TACC2: variants seen among roughly 807,000 people sequenced by gnomAD.
The protein encoded by TACC2 is transforming acidic coiled-coil containing protein 2, also known as transforming acidic coiled-coil-containing protein 2.
Under a neutral mutation model 227.3 loss-of-function variants are expected in TACC2, and 137 were observed. That is an observed-to-expected ratio of 0.60 (90% CI 0.52 to 0.69). The LOEUF is 0.69. Among genes scored for constraint, TACC2 ranks in the 30% least tolerant of loss-of-function variants. TACC2 has a pLI of 0.00. For synonymous variants in TACC2, 1,523 were observed against 1,487.5 expected (o/e 1.02, Z -0.55); for missense variants, 3,470 against 3,694.4 (o/e 0.94, Z 1.57).
chr10:122,227,976 G>A lies in TACC2; in HGVS notation c.7864G>A (p.Gly2622Ser). The A allele has an allele frequency of 6.2e-7, 1 of 1,613,962 alleles. No individual in the cohort carries two copies. Among genetic ancestry groups the A allele is most frequent in the Non-Finnish European group, 8.5e-7 (1 of 1,180,028 alleles). Reference sequence around the variant, plus strand: ...CTCCCAGAAGGAGCTGGAGGCCATGGGCTTGGGCACCCCTTCAGAAGCGAT... The same window carrying A: ...CTCCCAGAAGGAGCTGGAGGCCATGAGCTTGGGCACCCCTTCAGAAGCGAT... The part of the protein sequence containing the change: ...KSSQKELEAM[G>S]LGTPSEAIEI... Residue 2622 changes from glycine to serine, a missense_variant, in exon 14 of 23, where the codon GGC becomes AGC. Coordinates refer to ENST00000369005, the MANE Select transcript of TACC2 (RefSeq NM_206862.4).
intron 5 of TACC2, among the ~76,000 whole-genome samples, chr10:122,126,316 CTGTG>C (rs3037067): frequency 0.098 from 13,931 of 142,098 alleles, 1,052 homozygotes; most frequent in African/African-American, 0.21. Context: ...TAATCCAGAA[CTGTG>C]TGTGTGTGTG....
At chr10:122,107,560 C>A (rs1406795124) in intron 5 of TACC2, among the ~76,000 whole-genome samples, 8 of 151,708 alleles carry the variant, frequency 5.3e-5, no homozygotes, top group African/African-American at 1.9e-4. Flanking sequence ...TTGCACTCCA[C>A]CCTGGGTGAG....
chr10:122,084,352 C>A lies in TACC2; in HGVS notation c.1852C>A (p.Pro618Thr), dbSNP rs749239930. 2.5e-6 allele frequency: 4 copies of A among 1,613,700 alleles called. No homozygotes were observed. The South Asian group carries it at 4.4e-5, about 18-fold the overall frequency. The change falls in exon 4 of 23, where the codon CCA becomes ACA. Residue 618 changes from proline (P) to threonine (T), a missense_variant. Physicochemically the swap from Pro to Thr is conservative, Grantham distance 38. Transcript: ENST00000369005. ...AGTAGGCAAAGATGAGCTTTCAAAG[C>A]CAAGCAGTGATGCAGAGAGCAGAGA... ...PEVGKDELSKPSSDAESRDHP... is the reference protein window; with the variant it reads ...PEVGKDELSKTSSDAESRDHP...
At position 122,224,779 on chromosome 10, in the gene TACC2, T is replaced by C; in HGVS notation, c.7600T>C (p.Ser2534Pro). The C allele has an allele frequency of 6.2e-7, 1 of 1,614,080 alleles. No homozygotes were observed. Among genetic ancestry groups the C allele is most frequent in the East Asian group, 2.2e-5 (1 of 44,876 alleles). Residue 2534 changes from serine to proline, a missense_variant, in exon 12 of 23, where the codon TCC (serine) becomes CCC (proline). Around this residue, in one of 10 missense-constraint regions of TACC2, gnomAD observed 345 missense variants for 354.4 expected, o/e 0.97. Transcript: ENST00000369005. ...TGAATATATGGAGAAAATTGGCTCC[T>C]CCTTACCTGTAAGTTCGTCTGCCTC... ...EIEYMEKIGS[S>P]LPQDDDAPKK...
chr10:122,211,934 T>C (rs1226144276), intron 9 of TACC2, among the ~76,000 whole-genome samples: 1 of 152,226 alleles, frequency 6.6e-6, no homozygotes, highest in Admixed American at 6.5e-5. Flanking sequence ...TTTGTGTCCT[T>C]GATCTTTTGC....
Position 122,083,056 on chromosome 10 carries a change from T to A in TACC2, c.556T>A (p.Ser186Thr). 6.2e-7 allele frequency: 1 copy of A among 1,612,560 alleles called. No homozygotes were observed. Among genetic ancestry groups the A allele is most frequent in the Non-Finnish European group, 8.5e-7 (1 of 1,179,962 alleles). The change falls in exon 4 of 23, where the codon TCC (serine) becomes ACC (threonine). Residue 186 changes from serine (S) to threonine (T), a missense_variant. Coordinates refer to ENST00000369005, the MANE Select transcript of TACC2 (RefSeq NM_206862.4). ...ACAGCCGAAGGAAGAAGGACAGAAG[T>A]CCTCCTTCTCCTTCTCCAGTGGCAT... ...ERQPKEEGQK[S>T]SFSFSSGIDQ...
At chr10:122,191,932 GC>G (rs1371555107) in intron 7 of TACC2, among the ~76,000 whole-genome samples, 1 of 152,154 alleles carries the variant, frequency 6.6e-6, no homozygotes, top group Non-Finnish European at 1.5e-5. Context: ...TATACACTGG[GC>G]CTCCAAAGTG....
At chr10:122,223,437 T>C (rs1200832336) in intron 11 of TACC2, among the ~76,000 whole-genome samples, 5 of 152,106 alleles carry the variant, frequency 3.3e-5, no homozygotes. Context: ...GGTGTGAGAG[T>C]TGGAAACACA....
intron 3 of TACC2, among the ~76,000 whole-genome samples, chr10:122,058,864 G>A (rs572921227): frequency 1.1e-4 from 16 of 149,930 alleles, no homozygotes; most frequent in African/African-American, 3.7e-4. Context: ...TAGGCCATGC[G>A]TGAGCCACTG....
intron 1 of TACC2, among the ~76,000 whole-genome samples, chr10:122,007,172 T>A (rs978228284): frequency 2.5e-4 from 38 of 152,176 alleles, no homozygotes; most frequent in Admixed American, 2.2e-3. Context: ...ACTTTCCTGA[T>A]TTTTTTTAAT....
intron 3 of TACC2, among the ~76,000 whole-genome samples, chr10:122,066,078 T>G (rs1347196229): frequency 6.6e-6 from 1 of 151,856 alleles, no homozygotes; most frequent in East Asian, 1.9e-4. Flanking sequence ...CTTGTTTTAT[T>G]AATGCACTCT....
chr10:122,020,856 C>T (rs561685976), intron 1 of TACC2, among the ~76,000 whole-genome samples: 11 of 152,128 alleles, frequency 7.2e-5, no homozygotes, highest in East Asian at 5.8e-4. Flanking sequence ...TATGTTACAG[C>T]GTCTTATGGA....
intron 7 of TACC2, among the ~76,000 whole-genome samples, chr10:122,173,452 C>T (rs1161521254): frequency 6.6e-6 from 1 of 152,252 alleles, no homozygotes; most frequent in Non-Finnish European, 1.5e-5. Flanking sequence ...AGATCAGTCT[C>T]CTGCCCTAAC....
intron 5 of TACC2, among the ~76,000 whole-genome samples, chr10:122,105,577 C>T (rs956185546): frequency 6.6e-6 from 1 of 151,918 alleles, no homozygotes; most frequent in Admixed American, 6.6e-5. Flanking sequence ...TGCTTCTTGC[C>T]TCTCCAGCAT....
At chr10:122,068,034 G>A (rs2077576923) in intron 3 of TACC2, among the ~76,000 whole-genome samples, 1 of 152,038 alleles carries the variant, frequency 6.6e-6, no homozygotes, top group Admixed American at 6.6e-5. Context: ...AATTCTCTCT[G>A]TGTTTCATTT....
chr10:122,047,815 A>AT (rs2075201863), intron 2 of TACC2, among the ~76,000 whole-genome samples: 1 of 152,242 alleles, frequency 6.6e-6, no homozygotes, highest in Admixed American at 6.5e-5. Context: ...TAACAGGAGC[A>AT]TTTATTGCTG....
chr10:122,139,070 A>G (rs1375299087), intron 6 of TACC2, among the ~76,000 whole-genome samples: 3 of 152,214 alleles, frequency 2.0e-5, no homozygotes, highest in African/African-American at 7.2e-5. Flanking sequence ...AACTTGGACG[A>G]TCCAAGCCAG....
At chr10:122,042,138 G>T (rs978049216) in intron 2 of TACC2, among the ~76,000 whole-genome samples, 4 of 152,108 alleles carry the variant, frequency 2.6e-5, no homozygotes, top group Non-Finnish European at 5.9e-5. Context: ...GTAGAGACGG[G>T]GTTTCACCGT....
intron 3 of TACC2, among the ~76,000 whole-genome samples, chr10:122,070,822 G>C (rs1045277882): frequency 6.6e-6 from 1 of 151,778 alleles, no homozygotes; most frequent in Non-Finnish European, 1.5e-5. Context: ...CTACTCGGGA[G>C]GCTGAGGTGG....
Sources: gnomAD v4.1 joint callset for allele counts (sites outside exome capture counted in the v4.1 genomes callset) on GRCh38, gnomAD v4.1.1 for gene constraint, gnomAD v4.1.1 regional missense constraint, MANE v1.5 for transcripts, NCBI Gene and HGNC (gene_info 2026-07-23, HGNC 2026-07-21) for gene names.